Variants in PLCH2 observed in about 807,000 individuals in gnomAD.
The protein encoded by PLCH2 is 1-phosphatidylinositol 4,5-bisphosphate phosphodiesterase eta-2.
A neutral mutation model predicts 134.7 loss-of-function variants in PLCH2; 98 were observed. That is an observed-to-expected ratio of 0.73 (90% CI 0.62 to 0.86). The LOEUF (loss-of-function observed/expected upper bound fraction) is 0.86, where lower values mean the gene tolerates loss of function less well. Ranked by LOEUF, PLCH2 falls within the 40% of genes least tolerant of loss-of-function variation. The pLI is 0.00. For missense variants in PLCH2, 1,994 were observed against 1,986.6 expected (o/e 1.00, Z -0.07); for synonymous variants, 974 against 827.5 (o/e 1.18, Z -3.04).
intron 1 of PLCH2, among the ~76,000 whole-genome samples, chr1:2,426,246 G>A (rs1313477130): frequency 6.6e-6 from 1 of 152,186 alleles, no homozygotes; most frequent in Non-Finnish European, 1.5e-5. Context: ...GACCTTGCAG[G>A]CTCCTGGAAG....
rs138367472 is a variant in PLCH2, at chr1:2,436,634, C to T, written c.115+6005C>T. Among the ~76,000 whole-genome samples the T allele has an allele frequency of 1.6e-3, 238 of 152,160 alleles. 1 individual carries two copies. Among genetic ancestry groups the T allele is most frequent in the South Asian group, 0.013 (61 of 4,806 alleles). On this transcript the variant is annotated intron_variant, in intron 2 of 3. Coordinates refer to the PLCH2 transcript ENST00000609981. The stretch of plus-strand genomic sequence containing the variant: ...CAGTGGTGACTCCCCAGGGCTTAGC[C>T]GTCACCTGTGGCTCTGTCTCCTGGG...
chr1:2,468,061 A>C (rs1295101900), intron 1 of PLCH2, among the ~76,000 whole-genome samples: 1 of 152,140 alleles, frequency 6.6e-6, no homozygotes, highest in African/African-American at 2.4e-5. Context: ...CAGCGGATGC[A>C]CACTGCTCGG....
the PLCH2 span, among the ~76,000 whole-genome samples, chr1:2,418,594 G>A: frequency 6.6e-6 from 1 of 152,230 alleles, no homozygotes; most frequent in Non-Finnish European, 1.5e-5. Flanking sequence ...GGCATTTGAT[G>A]CCCGATGGAC....
chr1:2,497,293 G>A (rs558307801), intron 15 of PLCH2, among the ~76,000 whole-genome samples: 14 of 152,254 alleles, frequency 9.2e-5, no homozygotes, highest in East Asian at 1.9e-4. Flanking sequence ...GGCTGGCTGC[G>A]CCAGCTCCGG....
chr1:2,426,922 A>C lies in PLCH2; in HGVS notation c.-178+885A>C, dbSNP rs1438081692. 2.0e-5 allele frequency among the ~76,000 whole-genome samples: 3 copies of C among 152,172 alleles called. No homozygotes were observed. The East Asian group carries it at 5.8e-4, about 29-fold the overall frequency. On this transcript the variant is annotated intron_variant, in intron 1 of 3. Coordinates refer to the PLCH2 transcript ENST00000609981. ...TAGGTCTGTGTTCCCTGCATCCGCTAAGTCCAGGGGTGGGAGCAGGGCCTC... is the reference window on the plus strand; with the variant it reads ...TAGGTCTGTGTTCCCTGCATCCGCTCAGTCCAGGGGTGGGAGCAGGGCCTC...
upstream of PLCH2, among the ~76,000 whole-genome samples, chr1:2,472,526 T>C (rs1340629600): frequency 6.6e-6 from 1 of 151,900 alleles, no homozygotes; most frequent in Non-Finnish European, 1.5e-5. Flanking sequence ...GGTCCTTTGC[T>C]CTCCTAGCCC....
intron 21 of PLCH2, chr1:2,503,348 G>A: frequency 1.2e-5 from 7 of 583,058 alleles, no homozygotes; most frequent in Non-Finnish European, 1.8e-5. Context: ...GGCTCCAGGG[G>A]TCCCTACTGG....
At chr1:2,431,507 G>A (rs949555826) in intron 2 of PLCH2, among the ~76,000 whole-genome samples, 13 of 152,190 alleles carry the variant, frequency 8.5e-5, no homozygotes, top group African/African-American at 2.7e-4. Context: ...GGCTTTCAGC[G>A]CTGTCTGGAA....
At chr1:2,497,123 C>T (rs1642938784) in intron 15 of PLCH2, 113 bp downstream of exon 15, 1 of 1,070,536 alleles carries the variant, frequency 9.3e-7, no homozygotes. Flanking sequence ...GTCCTGGGCT[C>T]TATTGCCCTT....
In PLCH2 at chr1:2,444,796, T is replaced by C. The variant is rs1030375233; in HGVS notation, c.115+14167T>C. On this transcript the variant is annotated intron_variant, in intron 2 of 3. Transcript: ENST00000609981. This position sits in a 1 kb window ranked among gnomAD's most constrained non-coding sequence, Gnocchi z 4.6. The stretch of plus-strand genomic sequence containing the variant: ...CCATGGCCTTCTCCCTCCAGGAGAA[T>C]GGACCCGATCGGTGTCCCCTTCGTC... 6.6e-6 allele frequency among the ~76,000 whole-genome samples: 1 copy of C among 151,864 alleles called. No individual in the cohort carries two copies. The highest frequency in any genetic ancestry group is 1.5e-5 in the Non-Finnish European group (1 of 67,986).
chr1:2,491,349 A>T lies in PLCH2; in HGVS notation c.1659+14A>T, dbSNP rs746863285. 36 of 1,610,026 alleles carry T rather than the reference A, an allele frequency of 2.2e-5. No homozygotes were observed. Among genetic ancestry groups the T allele is most frequent in the Non-Finnish European group, 3.0e-5 (35 of 1,178,428 alleles). On this transcript the variant is annotated intron_variant, in intron 11 of 21. Coordinates refer to ENST00000378486, the MANE Select transcript of PLCH2 (RefSeq NM_014638.4). ...CTCGGACGCAAGGTAGAGGCCAAAA[A>T]GGTGACACCCCTGATGCCGACAGGC...
rs368666162 is a variant in PLCH2, at chr1:2,504,866, C to A, written c.3904C>A (p.Gln1302Lys). ...GGTGAGACGGGACACCCTGACAGAG[C>A]AGCTGCGCTGGCTCACTGTCTTCCA... is the stretch of plus-strand genomic sequence containing the variant. ...PGVRRDTLTE[Q>K]LRWLTVFQQA... Residue 1302 changes from glutamine to lysine, a missense_variant, in exon 22 of 22, where the codon CAG (glutamine) becomes AAG (lysine). Gln to Lys is a moderately conservative substitution (Grantham distance 53). Transcript: ENST00000378486. 6.6e-5 allele frequency: 105 copies of A among 1,596,528 alleles called. No homozygotes were observed. In the East Asian group the frequency reaches 6.8e-4, roughly 10 times the overall value.
At chr1:2,488,647 G>T (rs1338881514) in intron 8 of PLCH2, among the ~76,000 whole-genome samples, 2 of 152,224 alleles carry the variant, frequency 1.3e-5, no homozygotes, top group African/African-American at 4.8e-5. Flanking sequence ...AAATGAAGCT[G>T]AAAAGCTTAT....
chr1:2,491,768 G>A (rs1437898411), intron 11 of PLCH2, among the ~76,000 whole-genome samples: 1 of 152,258 alleles, frequency 6.6e-6, no homozygotes, highest in Non-Finnish European at 1.5e-5. Context: ...GGAACCAGGA[G>A]CTGTGGCCGG....
intron 2 of PLCH2, chr1:2,479,016 A>T: frequency 4.6e-6 from 1 of 216,350 alleles, no homozygotes. Flanking sequence ...GCCACTGGGC[A>T]TGGCTGCTGG....
Position 2,504,983 on chromosome 1 carries a change from C to T in PLCH2, c.4021C>T (p.Arg1341Cys), listed in dbSNP as rs765406097. ...GPGFVRRSSS[R>C]SHSRVRAIAS... The stretch of plus-strand genomic sequence containing the variant: ...TGGTTTTGTGCGGCGCTCCTCCTCC[C>T]GCAGCCACAGCCGCGTGCGTGCCAT... Residue 1341 changes from arginine to cysteine, a missense_variant, in exon 22 of 22, where the codon CGC (arginine) becomes TGC (cysteine). Physicochemically the swap from Arg to Cys is radical, Grantham distance 180 (BLOSUM62 -3). Transcript: ENST00000378486. The T allele has an allele frequency of 5.6e-5, 86 of 1,548,660 alleles. No individual in the cohort carries two copies. The highest frequency in any genetic ancestry group is 5.6e-5 in the Non-Finnish European group (65 of 1,150,948).
chr1:2,498,879 G>A lies in PLCH2; in HGVS notation c.2434+51G>A. On this transcript the variant is annotated intron_variant, in intron 18 of 21. Transcript: ENST00000378486. This position sits in a 1 kb window ranked among gnomAD's most constrained non-coding sequence, Gnocchi z 5.4. ...CACCTGTGATGGAAGTCTGAGGGGGGAGGGTTGGGGCTACCTGGTGTGCCC... is the reference window on the plus strand; with the variant it reads ...CACCTGTGATGGAAGTCTGAGGGGGAAGGGTTGGGGCTACCTGGTGTGCCC... 3 of 1,471,470 alleles carry A rather than the reference G, an allele frequency of 2.0e-6. No homozygotes were observed. Among genetic ancestry groups the A allele is most frequent in the Non-Finnish European group, 2.8e-6 (3 of 1,065,656 alleles). The allele number at this position is 1,471,470 out of a possible 1,614,324, so 91.2% of individuals were successfully genotyped here.
rs1400730663 is a variant in PLCH2 at position 2,499,250 on chromosome 1, G to A, written c.2581+20G>A. The A allele has an allele frequency of 6.2e-7, 1 of 1,611,578 alleles. No individual in the cohort carries two copies. Among genetic ancestry groups the A allele is most frequent in the East Asian group, 2.2e-5 (1 of 44,880 alleles). ...TGCCAGGTGGGCAGGAGTGGACACG[G>A]TGCCCCCCACACTGGCCGAGGGCCC... On this transcript the variant is annotated intron_variant, in intron 19 of 21. Transcript: ENST00000378486.
At position 2,504,956 on chromosome 1, in the gene PLCH2, C is replaced by G; in HGVS notation, c.3994C>G (p.Pro1332Ala). The change falls in exon 22 of 22, where the codon CCT becomes GCT. Residue 1332 changes from proline to alanine, a missense_variant. This residue lies in a region of PLCH2 where 900 missense variants were observed against 752.3 expected (regional missense o/e 1.20). Coordinates refer to ENST00000378486, the MANE Select transcript of PLCH2 (RefSeq NM_014638.4). ...GGCTGGGGAGGGGGTGGCAGGGGGCCCTGGTTTTGTGCGGCGCTCCTCCTC... is the reference window on the plus strand; with the variant it reads ...GGCTGGGGAGGGGGTGGCAGGGGGCGCTGGTTTTGTGCGGCGCTCCTCCTC... ...GPAGEGVAGG[P>A]GFVRRSSSRS... 6.4e-7 allele frequency: 1 copy of G among 1,559,684 alleles called. No individual in the cohort carries two copies. Among genetic ancestry groups the G allele is most frequent in the Non-Finnish European group, 8.7e-7 (1 of 1,153,736 alleles).
Sources: gnomAD v4.1 joint callset for allele counts (sites outside exome capture counted in the v4.1 genomes callset) on GRCh38, gnomAD v4.1.1 for gene constraint, gnomAD v4.1.1 regional missense constraint, Gnocchi (gnomAD v3.1) non-coding constraint, MANE v1.5 for transcripts, NCBI Gene and HGNC (gene_info 2026-07-23, HGNC 2026-07-21) for gene names.